The following TANGO6 variants were observed in gnomAD, a reference collection of about 807,000 sequenced individuals.
TANGO6 encodes the protein transport and Golgi organization protein 6 homolog.
A neutral mutation model predicts 114.2 loss-of-function variants in TANGO6; 90 were observed. The observed-to-expected ratio is 0.79, with a 90% CI of 0.66 to 0.94. TANGO6 has a LOEUF of 0.94. TANGO6 is among the 40% of genes least tolerant of loss of function. TANGO6 has a pLI of 0.00. For synonymous variants in TANGO6, 477 were observed against 509.8 expected, an observed-to-expected ratio of 0.94 and a Z score of 0.87; for missense variants, 1,274 against 1,315.3, an observed-to-expected ratio of 0.97 and a Z score of 0.49.
chr16:69,023,901 T>TTTA (rs895612578), intron 16 of TANGO6, among the ~76,000 whole-genome samples: 82 of 151,884 alleles, frequency 5.4e-4, no homozygotes, highest in South Asian at 2.1e-3. Context: ...TTTAGAGTTT[T>TTTA]TTATTATTAT....
chr16:68,909,166 T>G (rs756364562), intron 10 of TANGO6, 45 bp from the exon 11 acceptor site: 3 of 1,363,926 alleles, frequency 2.2e-6, no homozygotes, highest in African/African-American at 1.5e-5. Context: ...AGGCCTTAGT[T>G]GTACTGGCTT....
At chr16:68,977,809 C>T (rs1202551700) in intron 15 of TANGO6, among the ~76,000 whole-genome samples, 1 of 151,490 alleles carries the variant, frequency 6.6e-6, no homozygotes, top group Non-Finnish European at 1.5e-5. Context: ...CCTCAGCCTC[C>T]CGAGTAGCTG....
chr16:68,856,737 T>G (rs981192946), intron 1 of TANGO6, among the ~76,000 whole-genome samples: 2 of 152,212 alleles, frequency 1.3e-5, no homozygotes, highest in African/African-American at 4.8e-5. Context: ...TTATATAATT[T>G]TATGAGTTTT....
intron 14 of TANGO6, among the ~76,000 whole-genome samples, chr16:68,970,906 C>A (rs1208264530): frequency 6.6e-6 from 1 of 152,010 alleles, no homozygotes; most frequent in Non-Finnish European, 1.5e-5. Context: ...GCCTGTAATC[C>A]CAGCACTTTG....
chr16:69,039,981 T>C (rs1307754547), intron 16 of TANGO6, among the ~76,000 whole-genome samples: 2 of 152,346 alleles, frequency 1.3e-5, no homozygotes, highest in South Asian at 2.1e-4. Flanking sequence ...AGGGGGACAA[T>C]TAACAGTTCT....
chr16:69,021,439 A>G (rs1959403198), intron 15 of TANGO6, among the ~76,000 whole-genome samples: 1 of 152,026 alleles, frequency 6.6e-6, no homozygotes, highest in Non-Finnish European at 1.5e-5. Context: ...CACCATTCCC[A>G]TTATTCCTTA....
chr16:68,946,541 G>A (rs1188967173), intron 14 of TANGO6, among the ~76,000 whole-genome samples: 2 of 152,084 alleles, frequency 1.3e-5, no homozygotes, highest in African/African-American at 4.8e-5. Flanking sequence ...AAGTTGGTGT[G>A]TAGTGGTGCG....
intron 16 of TANGO6, among the ~76,000 whole-genome samples, chr16:69,024,237 C>T (rs1959462402): frequency 6.6e-6 from 1 of 150,844 alleles, no homozygotes; most frequent in Admixed American, 6.6e-5. Flanking sequence ...TGCGTCTTGC[C>T]CCTGGCCTCT....
chr16:69,039,198 A>G (rs1959736452), intron 16 of TANGO6, among the ~76,000 whole-genome samples: 1 of 151,260 alleles, frequency 6.6e-6, no homozygotes, highest in African/African-American at 2.4e-5. Context: ...AAAAAAAATT[A>G]GGCATGGTTG....
intron 17 of TANGO6, among the ~76,000 whole-genome samples, chr16:69,065,825 T>A (rs922005451): frequency 3.9e-5 from 6 of 152,200 alleles, no homozygotes; most frequent in Admixed American, 3.3e-4. Flanking sequence ...GGCCCTAATT[T>A]CTTTTTCATA....
chr16:69,077,045 AT>A (rs111623006), intron 17 of TANGO6, among the ~76,000 whole-genome samples: 193 of 144,640 alleles, frequency 1.3e-3, no homozygotes, highest in Middle Eastern at 3.7e-3. Flanking sequence ...ATTATTACGA[AT>A]TTTTTTTTTT....
chr16:68,963,732 C>T (rs1963617394), intron 14 of TANGO6, among the ~76,000 whole-genome samples: 1 of 152,218 alleles, frequency 6.6e-6, no homozygotes. Flanking sequence ...TTATTCAGTG[C>T]TGAGCCTAGT....
intron 17 of TANGO6, among the ~76,000 whole-genome samples, chr16:69,059,439 T>A (rs1157345678): frequency 6.6e-6 from 1 of 151,572 alleles, no homozygotes; most frequent in Non-Finnish European, 1.5e-5. Flanking sequence ...CTCCTGACCT[T>A]AGGTGTTCCG....
At chr16:68,920,971 C>T (rs1385094766) in intron 12 of TANGO6, among the ~76,000 whole-genome samples, 1 of 150,898 alleles carries the variant, frequency 6.6e-6, no homozygotes. Flanking sequence ...AAAAAGGTGG[C>T]GGGTGCCTGT....
At chr16:68,847,183 C>T (rs1961823575) in intron 1 of TANGO6, among the ~76,000 whole-genome samples, 1 of 152,136 alleles carries the variant, frequency 6.6e-6, no homozygotes, top group African/African-American at 2.4e-5. Context: ...AGCCACCGCG[C>T]CCGGCCAAAG....
At chr16:69,073,472 C>T (rs1960325770) in intron 17 of TANGO6, among the ~76,000 whole-genome samples, 2 of 152,178 alleles carry the variant, frequency 1.3e-5, no homozygotes, top group African/African-American at 2.4e-5. Flanking sequence ...TGGGAGGGTT[C>T]GTGCCTTATT....
intron 15 of TANGO6, among the ~76,000 whole-genome samples, chr16:69,013,367 T>C (rs1959229290): frequency 6.6e-6 from 1 of 152,038 alleles, no homozygotes. Flanking sequence ...TCCAGCACTT[T>C]GGGAGGCCGA....
chr16:68,923,381 A>G (rs2152193451), intron 12 of TANGO6, among the ~76,000 whole-genome samples: 1 of 152,208 alleles, frequency 6.6e-6, no homozygotes, highest in Admixed American at 6.5e-5. Flanking sequence ...AAACGATTAG[A>G]GGCTGGGGTA....
At chr16:69,036,426 A>G (rs1212435825) in intron 16 of TANGO6, among the ~76,000 whole-genome samples, 1 of 152,214 alleles carries the variant, frequency 6.6e-6, no homozygotes, top group East Asian at 1.9e-4. Flanking sequence ...ACAGACCATT[A>G]TACATTTCAC....
Sources: gnomAD v4.1 joint callset for allele counts (sites outside exome capture counted in the v4.1 genomes callset) on GRCh38, gnomAD v4.1.1 for gene constraint, MANE v1.5 for transcripts, NCBI Gene and HGNC (gene_info 2026-07-23, HGNC 2026-07-21) for gene names.